Variants in LRP11 observed in about 807,000 individuals in gnomAD.
LRP11 encodes the protein low-density lipoprotein receptor-related protein 11.
A neutral mutation model predicts 43.1 loss-of-function variants in LRP11; 25 were observed. The observed-to-expected ratio is 0.58, with a 90% CI of 0.42 to 0.81. The LOEUF is 0.81. Ranked by LOEUF, LRP11 falls within the 30% of genes least tolerant of loss-of-function variation. The probability of loss-of-function intolerance (pLI) is 0.00; values close to 1 mark genes in which losing one functional copy is unlikely to be tolerated. For missense variants in LRP11, 623 were observed against 665.1 expected (o/e 0.94, Z 0.70); for synonymous variants, 316 against 299.4 (o/e 1.06, Z -0.57).
intron 1 of LRP11, among the ~76,000 whole-genome samples, chr6:149,858,560 C>T (rs1776838208): frequency 6.6e-6 from 1 of 152,146 alleles, no homozygotes; most frequent in African/African-American, 2.4e-5. Context: ...AATATATACC[C>T]AGGAATGCAG....
chr6:149,847,073 C>A (rs1438574554), intron 2 of LRP11, among the ~76,000 whole-genome samples: 1 of 152,166 alleles, frequency 6.6e-6, no homozygotes, highest in South Asian at 2.1e-4. Flanking sequence ...AGGCTGCTGG[C>A]GTCACCCTGT....
chr6:149,863,561 G>T lies in LRP11; in HGVS notation c.460C>A (p.Pro154Thr). The change falls in exon 1 of 7, where the codon CCG becomes ACG. Residue 154 changes from proline (P) to threonine (T), a missense_variant. Physicochemically the swap from Pro to Thr is conservative, Grantham distance 38 (BLOSUM62 -1). Coordinates refer to ENST00000239367, the MANE Select transcript of LRP11 (RefSeq NM_032832.6). ...AGGTAGCAGCCGAGCACGGCTGCCG[G>T]GGGCGCGGGGCGCCGGGGCAGCTCC... is the stretch of plus-strand genomic sequence containing the variant. ...VVELPRRPAP[P>T]AAVLGCYLFN... 7.3e-7 allele frequency: 1 copy of T among 1,378,226 alleles called. No homozygotes were observed. Among genetic ancestry groups the T allele is most frequent in the South Asian group, 1.7e-5 (1 of 60,284 alleles). The allele number at this position is 1,378,226 out of a possible 1,614,324, so 85.4% of individuals were successfully genotyped here.
intron 6 of LRP11, 129 bp downstream of exon 6, chr6:149,826,135 G>A (rs1443560524): frequency 2.6e-6 from 2 of 775,664 alleles, no homozygotes; most frequent in African/African-American, 3.4e-5. Context: ...CGAGGAGACA[G>A]TTCTTTCGGT....
At position 149,843,002 on chromosome 6, in the gene LRP11, G is replaced by C. The variant is rs775277927; in HGVS notation, c.894C>G (p.Arg298=). The change falls in exon 3 of 7, where the codon CGC becomes CGG. Residue 298 remains arginine (R), a synonymous_variant. Transcript: ENST00000239367. ...TCTCACCTCCTGTGGAGTAGGCTGC[G>C]CGAAGCACTGTCACTGACACGTTGT... ...SSDNVSVTVL[R]AAYSTGGCLH... The C allele has an allele frequency of 6.2e-7, 1 of 1,614,062 alleles. No homozygotes were observed. Among genetic ancestry groups the C allele is most frequent in the Non-Finnish European group, 8.5e-7 (1 of 1,180,052 alleles).
In LRP11 at chr6:149,820,350, T is replaced by G; in HGVS notation, c.*199A>C. On this transcript the variant is annotated 3_prime_UTR_variant, in exon 7 of 7. Coordinates refer to ENST00000239367, the MANE Select transcript of LRP11 (RefSeq NM_032832.6). ...TTATATTTTTAGGAATCTTTAATCATGAATTCCTCTCTAAATTTCAAAATA... is the reference window on the plus strand; with the variant it reads ...TTATATTTTTAGGAATCTTTAATCAGGAATTCCTCTCTAAATTTCAAAATA... The G allele has an allele frequency of 2.3e-6, 1 of 442,882 alleles. No homozygotes were observed. The highest frequency in any genetic ancestry group is 4.0e-6 in the Non-Finnish European group (1 of 251,374). The allele number at this position is 442,882 out of a possible 1,614,324, so 27.4% of individuals were successfully genotyped here.
In LRP11 at chr6:149,826,349, G is replaced by A. The variant is rs1776339480; in HGVS notation, c.1263C>T (p.Ser421=). Residue 421 remains serine (S), a synonymous_variant, in exon 6 of 7, where the codon TCC becomes TCT. Coordinates refer to ENST00000239367, the MANE Select transcript of LRP11 (RefSeq NM_032832.6). ...QIIPVMPDSS[S]SGKNRKEESY... ...TTTCCTCTTTTCTGTTCTTCCCTGAGGAACTACTATCTGCAGAAAAGAAAG... is the reference window on the plus strand; with the variant it reads ...TTTCCTCTTTTCTGTTCTTCCCTGAAGAACTACTATCTGCAGAAAAGAAAG... The A allele has an allele frequency of 6.2e-7, 1 of 1,609,608 alleles. No homozygotes were observed.
intron 2 of LRP11, among the ~76,000 whole-genome samples, chr6:149,844,017 G>A (rs988910639): frequency 6.6e-6 from 1 of 152,314 alleles, no homozygotes; most frequent in African/African-American, 2.4e-5. Flanking sequence ...CACTTTGGGA[G>A]GCCAAGGCGG....
chr6:149,828,343 G>A (rs1352791403), intron 5 of LRP11, among the ~76,000 whole-genome samples: 1 of 152,082 alleles, frequency 6.6e-6, no homozygotes, highest in Non-Finnish European at 1.5e-5. Flanking sequence ...ACTGCTAGTA[G>A]ACAGACCAGA....
chr6:149,840,961 AGACTGTTTAC>A (rs1220553639), intron 3 of LRP11, among the ~76,000 whole-genome samples: 3 of 152,188 alleles, frequency 2.0e-5, no homozygotes, highest in African/African-American at 7.2e-5. Context: ...TGAGCTGGAC[AGACTGTTTAC>A]TCGCTATCAC....
At chr6:149,822,743 T>A (rs9383546) in intron 6 of LRP11, among the ~76,000 whole-genome samples, 79,196 of 152,040 alleles carry the variant, frequency 0.52, 23,282 homozygotes, top group East Asian at 0.83. Context: ...TGAAGCATAG[T>A]TGTATTAATA....
At chr6:149,834,585 G>T (rs1442175266) in intron 5 of LRP11, among the ~76,000 whole-genome samples, 1 of 152,200 alleles carries the variant, frequency 6.6e-6, no homozygotes, top group Non-Finnish European at 1.5e-5. Flanking sequence ...TGCCAAAGAT[G>T]CCTGGTCTGC....
chr6:149,838,907 G>A (rs1776508094), intron 3 of LRP11, among the ~76,000 whole-genome samples: 1 of 152,118 alleles, frequency 6.6e-6, no homozygotes, highest in Non-Finnish European at 1.5e-5. Context: ...GCAGGTCACA[G>A]GAGCTCCACG....
chr6:149,825,683 T>G (rs1396452420), intron 6 of LRP11, among the ~76,000 whole-genome samples: 1 of 150,484 alleles, frequency 6.6e-6, no homozygotes, highest in African/African-American at 2.4e-5. Flanking sequence ...TTTGAGACGG[T>G]CTCACTCTGT....
intron 3 of LRP11, among the ~76,000 whole-genome samples, chr6:149,839,310 T>C (rs2115387330): frequency 6.6e-6 from 1 of 151,930 alleles, no homozygotes; most frequent in African/African-American, 2.4e-5. Context: ...TTAAAGAAAA[T>C]AAATGGTGAT....
At chr6:149,831,590 A>C (rs1189286053) in intron 5 of LRP11, among the ~76,000 whole-genome samples, 4 of 152,232 alleles carry the variant, frequency 2.6e-5, no homozygotes, top group African/African-American at 9.6e-5. Flanking sequence ...GTGTAACTGA[A>C]TGTCTGCACA....
rs1016562210 is a variant in LRP11, at chr6:149,850,371, A to T, written c.771+2632T>A. Among the ~76,000 whole-genome samples the T allele has an allele frequency of 2.6e-5, 4 of 152,342 alleles. No individual in the cohort carries two copies. In the East Asian group the frequency reaches 7.7e-4, roughly 29 times the overall value. On this transcript the variant is annotated intron_variant, in intron 2 of 6. Transcript: ENST00000239367. ...GTGTGAAATAAGGCTGCTCAAGTTA[A>T]AGGGATCAGAGGCATAGCTCCTGAG...
chr6:149,853,233 T>C, intron 1 of LRP11, 73 bp from the exon 2 acceptor site: 6 of 1,248,556 alleles, frequency 4.8e-6, no homozygotes, highest in Non-Finnish European at 6.5e-6. Context: ...GTATCTTGTT[T>C]GCTGAATAGA....
At chr6:149,822,684 T>C (rs542770697) in intron 6 of LRP11, among the ~76,000 whole-genome samples, 1 of 152,188 alleles carries the variant, frequency 6.6e-6, no homozygotes, top group Admixed American at 6.5e-5. Context: ...GACATTTAAA[T>C]GGGAAAAAAT....
intron 1 of LRP11, among the ~76,000 whole-genome samples, chr6:149,854,986 G>C (rs1043564938): frequency 1.3e-5 from 2 of 152,160 alleles, no homozygotes; most frequent in Non-Finnish European, 2.9e-5. Flanking sequence ...GTCATTCTGC[G>C]AGTAGGAAAA....
Sources: gnomAD v4.1 joint callset for allele counts (sites outside exome capture counted in the v4.1 genomes callset) on GRCh38, gnomAD v4.1.1 for gene constraint, MANE v1.5 for transcripts, NCBI Gene and HGNC (gene_info 2026-07-23, HGNC 2026-07-21) for gene names.